Variants in DACH1 observed in about 807,000 individuals in gnomAD.
The protein encoded by DACH1 is dachshund family transcription factor 1, also known as dachshund homolog 1.
DACH1 carries 12 observed loss-of-function variants against 54.2 expected under a neutral mutation model. The observed-to-expected ratio is 0.22, with a 90% CI of 0.14 to 0.36. DACH1 has a LOEUF of 0.36. DACH1 is among the 10% of genes least tolerant of loss of function. DACH1 has a pLI of 1.00. For missense variants in DACH1, 805 were observed against 929.8 expected (o/e 0.87, Z 1.75); for synonymous variants, 386 against 366.2 (o/e 1.05, Z -0.62).
At chr13:71,535,117 AT>A (rs1344699377) in intron 6 of DACH1, among the ~76,000 whole-genome samples, 5 of 151,744 alleles carry the variant, frequency 3.3e-5, no homozygotes, top group African/African-American at 9.7e-5. Flanking sequence ...AATTTATTTA[AT>A]TTTTAAGATA....
At chr13:71,518,701 C>T (rs1307442230) in intron 6 of DACH1, among the ~76,000 whole-genome samples, 2 of 151,390 alleles carry the variant, frequency 1.3e-5, no homozygotes, top group African/African-American at 2.4e-5. Context: ...CTTTTAGATA[C>T]CTGAGAGGTG....
chr13:71,628,844 T>C (rs1469320880), intron 3 of DACH1, among the ~76,000 whole-genome samples: 2 of 152,202 alleles, frequency 1.3e-5, no homozygotes, highest in African/African-American at 4.8e-5. Flanking sequence ...AAAGCCAACT[T>C]CTGCTCTGGA....
chr13:71,658,335 T>C (rs1043488409), intron 2 of DACH1, among the ~76,000 whole-genome samples: 1 of 152,114 alleles, frequency 6.6e-6, no homozygotes, highest in Non-Finnish European at 1.5e-5. Context: ...GGATCACCTA[T>C]GTTCAGGAGT....
At chr13:71,725,302 A>G (rs1024449736) in intron 1 of DACH1, among the ~76,000 whole-genome samples, 1 of 152,160 alleles carries the variant, frequency 6.6e-6, no homozygotes, top group Non-Finnish European at 1.5e-5. Flanking sequence ...TGAGTTTCAA[A>G]AAAGAAGACA....
At chr13:71,486,855 T>A (rs947486145) in intron 7 of DACH1, among the ~76,000 whole-genome samples, 7 of 137,554 alleles carry the variant, frequency 5.1e-5, no homozygotes, top group African/African-American at 1.9e-4. Context: ...TATCTATCTA[T>A]CTATCTGAGA....
chr13:71,551,576 C>T (rs1008449845), intron 6 of DACH1, among the ~76,000 whole-genome samples: 2 of 152,084 alleles, frequency 1.3e-5, no homozygotes, highest in African/African-American at 2.4e-5. Context: ...GCTTATCTCA[C>T]GTAACACAAT....
chr13:71,822,197 T>C (rs1054109570), intron 1 of DACH1, among the ~76,000 whole-genome samples: 1 of 152,196 alleles, frequency 6.6e-6, no homozygotes, highest in African/African-American at 2.4e-5. Flanking sequence ...TGTCATGTAT[T>C]AAACTATCCC....
intron 1 of DACH1, among the ~76,000 whole-genome samples, chr13:71,808,845 A>G (rs1887607810): frequency 1.3e-5 from 2 of 152,242 alleles, no homozygotes; most frequent in Admixed American, 6.5e-5. Context: ...AAAGTAAATC[A>G]AAAACTATCA....
intron 1 of DACH1, among the ~76,000 whole-genome samples, chr13:71,792,032 G>A (rs1411520905): frequency 6.6e-6 from 1 of 152,128 alleles, no homozygotes; most frequent in South Asian, 2.1e-4. Context: ...GTATGTCTTT[G>A]CATTTCCTCT....
chr13:71,587,739 T>C (rs1371710739), intron 3 of DACH1, among the ~76,000 whole-genome samples: 1 of 152,070 alleles, frequency 6.6e-6, no homozygotes, highest in East Asian at 1.9e-4. Flanking sequence ...GCCAGCTGGA[T>C]CTGAATAATA....
intron 2 of DACH1, among the ~76,000 whole-genome samples, chr13:71,678,825 A>G (rs1880722422): frequency 6.6e-6 from 1 of 151,836 alleles, no homozygotes; most frequent in African/African-American, 2.4e-5. Context: ...ACACAGCCAA[A>G]TTGTTTTGAT....
intron 6 of DACH1, among the ~76,000 whole-genome samples, chr13:71,551,791 A>G (rs1883833671): frequency 6.6e-6 from 1 of 152,210 alleles, no homozygotes; most frequent in Non-Finnish European, 1.5e-5. Context: ...AGACTAAAAT[A>G]TAAAGAAGAG....
chr13:71,527,925 T>C (rs1278827727), intron 6 of DACH1, among the ~76,000 whole-genome samples: 1 of 148,392 alleles, frequency 6.7e-6, no homozygotes, highest in African/African-American at 2.5e-5. Context: ...TTGTTAACAC[T>C]TTTTTTTTTA....
At chr13:71,765,076 A>C (rs2138018635) in intron 1 of DACH1, among the ~76,000 whole-genome samples, 1 of 152,260 alleles carries the variant, frequency 6.6e-6, no homozygotes, top group South Asian at 2.1e-4. Flanking sequence ...AGGGGTCCCC[A>C]CTGATACCAA....
chr13:71,727,853 CA>C (rs944751929), intron 1 of DACH1, among the ~76,000 whole-genome samples: 4 of 152,010 alleles, frequency 2.6e-5, no homozygotes, highest in African/African-American at 9.7e-5. Flanking sequence ...GTAAGTAACC[CA>C]AATTAGTTTG....
intron 1 of DACH1, among the ~76,000 whole-genome samples, chr13:71,784,769 T>C (rs952276878): frequency 2.6e-5 from 4 of 152,146 alleles, no homozygotes; most frequent in Admixed American, 2.0e-4. Flanking sequence ...GATCCATTTC[T>C]TGACCTATTT....
chr13:71,663,438 G>A (rs1879636439), intron 2 of DACH1, among the ~76,000 whole-genome samples: 1 of 151,972 alleles, frequency 6.6e-6, no homozygotes. Context: ...CAAATTTGAG[G>A]AGTAGAGCCT....
chr13:71,839,255 A>T (rs1305205688), intron 1 of DACH1, among the ~76,000 whole-genome samples: 1 of 152,214 alleles, frequency 6.6e-6, no homozygotes, highest in Non-Finnish European at 1.5e-5. Context: ...TATCATAAAG[A>T]AATTATTAAA....
chr13:71,822,638 A>G (rs915114914), intron 1 of DACH1, among the ~76,000 whole-genome samples: 1 of 152,188 alleles, frequency 6.6e-6, no homozygotes, highest in Admixed American at 6.5e-5. Flanking sequence ...AAGCATGTAA[A>G]AAGTGGCATA....
Sources: gnomAD v4.1 joint callset for allele counts (sites outside exome capture counted in the v4.1 genomes callset) on GRCh38, gnomAD v4.1.1 for gene constraint, MANE v1.5 for transcripts, NCBI Gene and HGNC (gene_info 2026-07-23, HGNC 2026-07-21) for gene names.